JAZF1: variants seen among roughly 807,000 people sequenced by gnomAD.
JAZF1 encodes the protein JAZF zinc finger 1.
A neutral mutation model predicts 26.4 loss-of-function variants in JAZF1; 8 were observed. That is an observed-to-expected ratio of 0.30 (90% CI 0.18 to 0.55). JAZF1 has a LOEUF of 0.55. JAZF1 is among the 20% of genes least tolerant of loss of function. The pLI is 0.94. For missense variants in JAZF1, 199 were observed against 322.0 expected (o/e 0.62, Z 2.92); for synonymous variants, 126 against 122.3 (o/e 1.03, Z -0.20).
At chr7:27,988,433 G>A (rs1208103156) in intron 2 of JAZF1, among the ~76,000 whole-genome samples, 1 of 149,344 alleles carries the variant, frequency 6.7e-6, no homozygotes, top group African/African-American at 2.5e-5. Context: ...GAAGTGCAGT[G>A]GTGCCATCGT....
In JAZF1 at chr7:27,831,703, A is replaced by G. The variant is rs1250732164; in HGVS notation, c.*1097T>C. ...CAATGTGATGAGAAAAGTACCTTTTAAAAAAAGTAAAAAATGAGCATGAAG... is the reference window on the plus strand; with the variant it reads ...CAATGTGATGAGAAAAGTACCTTTTGAAAAAAGTAAAAAATGAGCATGAAG... On this transcript the variant is annotated 3_prime_UTR_variant, in exon 5 of 5. Transcript: ENST00000283928. The G allele has an allele frequency of 4.5e-6, 1 of 224,684 alleles. No homozygotes were observed. Among genetic ancestry groups the G allele is most frequent in the African/African-American group, 2.2e-5 (1 of 44,882 alleles). The allele number at this position is 224,684 out of a possible 1,614,324, so 13.9% of individuals were successfully genotyped here. A position where few individuals can be genotyped will look rare whatever the true frequency, so the allele number is the denominator to read the frequency against.
At chr7:27,881,433 A>T (rs1376808985) in intron 3 of JAZF1, among the ~76,000 whole-genome samples, 1 of 152,270 alleles carries the variant, frequency 6.6e-6, no homozygotes, top group Non-Finnish European at 1.5e-5. Context: ...AGTGGCTTTA[A>T]TTAAACACTT....
At chr7:27,932,236 A>AT (rs1453868675) in intron 2 of JAZF1, among the ~76,000 whole-genome samples, 4 of 152,214 alleles carry the variant, frequency 2.6e-5, no homozygotes, top group Non-Finnish European at 5.9e-5. Flanking sequence ...TACCTAAGAC[A>AT]TTTCCCCCAA....
At chr7:28,021,795 G>A (rs1480347759) in intron 1 of JAZF1, among the ~76,000 whole-genome samples, 1 of 152,190 alleles carries the variant, frequency 6.6e-6, no homozygotes. Context: ...CTGGAGACAA[G>A]GGCCCACAGT....
chr7:27,831,160 G>A lies in JAZF1; in HGVS notation c.*1640C>T, dbSNP rs572930839. ...TTCAGATCTGAGGAAATTTTTAGAG[G>A]GCAGTGTTTTTATAAATACTTTGAA... On this transcript the variant is annotated 3_prime_UTR_variant, in exon 5 of 5. Coordinates refer to ENST00000283928, the MANE Select transcript of JAZF1 (RefSeq NM_175061.4). 2.7e-5 allele frequency: 6 copies of A among 223,392 alleles called. No individual in the cohort carries two copies. The South Asian group carries it at 7.4e-4, about 27-fold the overall frequency. 13.8% of individuals were successfully genotyped at this position (223,392 alleles called of 1,614,324 possible). A position where few individuals can be genotyped will look rare whatever the true frequency, so the allele number is the denominator to read the frequency against.
chr7:27,914,327 A>G (rs1011170469), intron 2 of JAZF1, among the ~76,000 whole-genome samples: 1 of 152,132 alleles, frequency 6.6e-6, no homozygotes, highest in African/African-American at 2.4e-5. Flanking sequence ...AGCCTGGAAT[A>G]GGCACCTGAG....
chr7:27,849,902 C>T (rs1431092974), intron 3 of JAZF1, among the ~76,000 whole-genome samples: 2 of 152,210 alleles, frequency 1.3e-5, no homozygotes, highest in Admixed American at 1.3e-4. Context: ...GCCCACTCTC[C>T]TCGAACCTCT....
chr7:28,076,969 A>G (rs1784061405), intron 1 of JAZF1, among the ~76,000 whole-genome samples: 1 of 152,100 alleles, frequency 6.6e-6, no homozygotes, highest in Non-Finnish European at 1.5e-5. Flanking sequence ...TAGTGTGTAG[A>G]CGACAACCAA....
intron 1 of JAZF1, among the ~76,000 whole-genome samples, chr7:28,143,647 G>A (rs1003443549): frequency 6.6e-6 from 1 of 152,204 alleles, no homozygotes; most frequent in African/African-American, 2.4e-5. Context: ...TCAAAGAGAC[G>A]GATGGACCTA....
chr7:27,923,635 C>T (rs938025924), intron 2 of JAZF1, among the ~76,000 whole-genome samples: 1 of 152,236 alleles, frequency 6.6e-6, no homozygotes, highest in Non-Finnish European at 1.5e-5. Context: ...AGTCATTCCT[C>T]TTGCTCCATT....
chr7:28,105,964 A>G (rs573755325), intron 1 of JAZF1, among the ~76,000 whole-genome samples: 30 of 152,332 alleles, frequency 2.0e-4, no homozygotes, highest in South Asian at 8.3e-4. Context: ...TATTCCCAAG[A>G]AAAATGAGGT....
At chr7:28,169,223 TC>T in intron 1 of JAZF1, among the ~76,000 whole-genome samples, 1 of 152,380 alleles carries the variant, frequency 6.6e-6, no homozygotes, top group East Asian at 1.9e-4. Context: ...TCTTTATTTT[TC>T]TGTGTGATGT....
chr7:28,157,589 C>T (rs142070671), intron 1 of JAZF1, among the ~76,000 whole-genome samples: 6 of 152,276 alleles, frequency 3.9e-5, no homozygotes, highest in African/African-American at 1.4e-4. Flanking sequence ...CCAAGGGCAG[C>T]AATTTGCCAA....
chr7:27,956,740 C>A (rs1235759924), intron 2 of JAZF1, among the ~76,000 whole-genome samples: 1 of 152,178 alleles, frequency 6.6e-6, no homozygotes, highest in African/African-American at 2.4e-5. Flanking sequence ...TGCGGTCATG[C>A]CAAACCTCAC....
intron 2 of JAZF1, among the ~76,000 whole-genome samples, chr7:27,955,217 G>A (rs1429074531): frequency 6.6e-6 from 1 of 152,216 alleles, no homozygotes. Flanking sequence ...ATAGAAAAAA[G>A]TGGTCATAAA....
intron 1 of JAZF1, among the ~76,000 whole-genome samples, chr7:28,090,281 T>TATC (rs1277727621): frequency 6.6e-6 from 1 of 152,216 alleles, no homozygotes; most frequent in Admixed American, 6.5e-5. Flanking sequence ...TAACTGCCAT[T>TATC]ATCATCATCA....
chr7:28,002,296 A>C (rs1027807684), intron 1 of JAZF1, among the ~76,000 whole-genome samples: 1 of 152,226 alleles, frequency 6.6e-6, no homozygotes, highest in African/African-American at 2.4e-5. Flanking sequence ...ACTGAATGGT[A>C]AATTTCCCAA....
In JAZF1 at chr7:27,875,316, T is replaced by A. The variant is rs543993434; in HGVS notation, c.385+19904A>T. Reference sequence around the variant, plus strand: ...TCGTCCCAGCCTTACATCACTTTCCTCTTTCCTCGGCACAGCTGGAATAGA... The same window carrying A: ...TCGTCCCAGCCTTACATCACTTTCCACTTTCCTCGGCACAGCTGGAATAGA... On this transcript the variant is annotated intron_variant, in intron 3 of 4. Coordinates refer to ENST00000283928, the MANE Select transcript of JAZF1 (RefSeq NM_175061.4). 2.6e-5 allele frequency among the ~76,000 whole-genome samples: 4 copies of A among 152,314 alleles called. No individual in the cohort carries two copies. The South Asian group carries it at 8.3e-4, about 32-fold the overall frequency.
chr7:27,848,348 G>A (rs13238115), intron 3 of JAZF1, among the ~76,000 whole-genome samples: 52,036 of 151,974 alleles, frequency 0.34, 9,288 homozygotes, highest in Middle Eastern at 0.39. Context: ...TTTCAGCTAG[G>A]TTGTTATTTG....
Sources: gnomAD v4.1 joint callset for allele counts (sites outside exome capture counted in the v4.1 genomes callset) on GRCh38, gnomAD v4.1.1 for gene constraint, MANE v1.5 for transcripts, NCBI Gene and HGNC (gene_info 2026-07-23, HGNC 2026-07-21) for gene names.